RP1: variants seen among roughly 807,000 people sequenced by gnomAD.
RP1 encodes the protein oxygen-regulated protein 1.
A neutral mutation model predicts 14.8 loss-of-function variants in RP1; 16 were observed. That is an observed-to-expected ratio of 1.08 (90% CI 0.73 to 1.65). The LOEUF is 1.65. RP1 is among the 40% of genes most tolerant of loss of function. The pLI, the probability that RP1 is intolerant of heterozygous loss-of-function variation, is 0.00. For synonymous variants in RP1, 876 were observed against 883.6 expected, an observed-to-expected ratio of 0.99 and a Z score of 0.15; for missense variants, 2,631 against 2,535.0, an observed-to-expected ratio of 1.04 and a Z score of -0.81.
At chr8:54,869,951 A>G in exon 29 of RP1, 1 of 1,193,474 alleles carries the variant, frequency 8.4e-7, no homozygotes, top group Non-Finnish European at 1.0e-6. Context: ...GAAAGGGCCC[A>G]CTTGGGCCTG....
At chr8:54,837,348 G>A (rs1207523635) in intron 24 of RP1, 1 of 425,904 alleles carries the variant, frequency 2.3e-6, no homozygotes, top group African/African-American at 2.1e-5. Context: ...TTAGTAAGGA[G>A]TATTTATGAT....
chr8:54,838,845 GC>G (rs1202965294), intron 25 of RP1, among the ~76,000 whole-genome samples: 13 of 152,114 alleles, frequency 8.5e-5, no homozygotes, highest in Admixed American at 8.5e-4. Context: ...GATGTGATTG[GC>G]TGTGTCATGC....
intron 28 of RP1, among the ~76,000 whole-genome samples, chr8:54,868,682 C>A (rs1010074815): frequency 6.6e-6 from 1 of 152,076 alleles, no homozygotes; most frequent in African/African-American, 2.4e-5. Context: ...ATTCCCTGCA[C>A]AAGATATCAA....
At chr8:54,774,980 G>T (rs1399441101) in intron 23 of RP1, among the ~76,000 whole-genome samples, 5 of 152,080 alleles carry the variant, frequency 3.3e-5, no homozygotes, top group African/African-American at 4.8e-5. Flanking sequence ...ACTTTTTGTT[G>T]TGGGGGACTG....
At chr8:54,777,560 C>T (rs529106390) in intron 23 of RP1, among the ~76,000 whole-genome samples, 3 of 152,020 alleles carry the variant, frequency 2.0e-5, no homozygotes, top group Non-Finnish European at 4.4e-5. Context: ...TGGTAGTCAG[C>T]ACAGAATTTC....
At chr8:54,846,810 G>A (rs972588640) in intron 25 of RP1, among the ~76,000 whole-genome samples, 2 of 152,082 alleles carry the variant, frequency 1.3e-5, no homozygotes, top group African/African-American at 4.8e-5. Context: ...GGCCTTCCCT[G>A]AGGTGTCTCA....
At chr8:54,747,164 A>G (rs1340383747) in intron 19 of RP1, among the ~76,000 whole-genome samples, 3 of 152,152 alleles carry the variant, frequency 2.0e-5, no homozygotes, top group South Asian at 4.2e-4. Context: ...ATAGGCTTCC[A>G]GCTTCTTTTT....
chr8:54,761,948 C>T (rs1351402118), intron 22 of RP1, among the ~76,000 whole-genome samples: 1 of 152,116 alleles, frequency 6.6e-6, no homozygotes, highest in East Asian at 1.9e-4. Context: ...CATTCTGAAG[C>T]CACTTATAGT....
intron 24 of RP1, among the ~76,000 whole-genome samples, chr8:54,793,804 A>G (rs1810521874): frequency 6.6e-6 from 1 of 151,966 alleles, no homozygotes; most frequent in Non-Finnish European, 1.5e-5. Flanking sequence ...TCTATTTAAC[A>G]TAGTACTGGA....
intron 1 of RP1, among the ~76,000 whole-genome samples, chr8:54,604,481 A>G (rs1190815045): frequency 1.3e-5 from 2 of 152,130 alleles, no homozygotes; most frequent in East Asian, 1.9e-4. Flanking sequence ...TTCATCAGGG[A>G]TATCGGTCTA....
In RP1 at chr8:54,835,043, TAC is replaced by T. The variant is rs201295797; in HGVS notation, c.3616-2405_3616-2404del. Among the ~76,000 whole-genome samples, 3 of 152,304 alleles carry T rather than the reference TAC, an allele frequency of 2.0e-5. No homozygotes were observed. The East Asian group carries it at 5.8e-4, about 29-fold the overall frequency. ...TATTTACCATTTATTGAAAAAATAC[TAC>T]AGTTTCATGTGGGTTTAGGGTATCC... On this transcript the variant is annotated intron_variant, in intron 24 of 28. Coordinates refer to the RP1 transcript ENST00000637698.
At chr8:54,869,665 C>G (rs1029702457) in intron 28 of RP1, among the ~76,000 whole-genome samples, 2 of 152,158 alleles carry the variant, frequency 1.3e-5, no homozygotes, top group African/African-American at 4.8e-5. Flanking sequence ...AAAAAACTTG[C>G]CGAAGCTGGA....
intron 19 of RP1, among the ~76,000 whole-genome samples, chr8:54,744,427 T>C (rs1340218932): frequency 6.6e-6 from 1 of 152,190 alleles, no homozygotes; most frequent in Non-Finnish European, 1.5e-5. Context: ...TCATCCTAAA[T>C]ATGTAAAATA....
chr8:54,663,802 C>T (rs1015552726), exon 7 of RP1: 1 of 1,534,526 alleles, frequency 6.5e-7, no homozygotes, highest in Non-Finnish European at 8.7e-7. Context: ...ATACAGGATC[C>T]AGACAACTAT....
chr8:54,630,564 T>A lies in RP1; in HGVS notation c.*211T>A. 7.4e-7 allele frequency: 1 copy of A among 1,345,684 alleles called. No individual in the cohort carries two copies. Among genetic ancestry groups the A allele is most frequent in the Non-Finnish European group, 9.5e-7 (1 of 1,052,206 alleles). 83.4% of individuals were successfully genotyped at this position (1,345,684 alleles called of 1,614,324 possible). A position where few individuals can be genotyped will look rare whatever the true frequency, so the allele number is the denominator to read the frequency against. ...CAATTACAGACTCAGGTTCTCTTAT[T>A]TTGGAAGTTTCTATCTGGTTTTGTT... is the stretch of plus-strand genomic sequence containing the variant. On this transcript the variant is annotated 3_prime_UTR_variant, in exon 4 of 4. Transcript: ENST00000220676.
chr8:54,807,922 A>G (rs1024304769), intron 24 of RP1, among the ~76,000 whole-genome samples: 1 of 151,992 alleles, frequency 6.6e-6, no homozygotes, highest in Non-Finnish European at 1.5e-5. Context: ...ACCCGTCCAC[A>G]TTATGGAAGG....
At chr8:54,598,813 G>A (rs1346570229) in intron 1 of RP1, among the ~76,000 whole-genome samples, 1 of 152,170 alleles carries the variant, frequency 6.6e-6, no homozygotes, top group Non-Finnish European at 1.5e-5. Flanking sequence ...CTTGACTTTT[G>A]ATGAGAAGTC....
chr8:54,664,810 A>G (rs1345381641), intron 7 of RP1, among the ~76,000 whole-genome samples: 1 of 152,148 alleles, frequency 6.6e-6, no homozygotes, highest in Non-Finnish European at 1.5e-5. Flanking sequence ...CATGGACACA[A>G]TGAGAGCAAC....
At chr8:54,762,245 C>T (rs184638333) in intron 22 of RP1, among the ~76,000 whole-genome samples, 2 of 152,116 alleles carry the variant, frequency 1.3e-5, no homozygotes, top group Admixed American at 6.5e-5. Context: ...CAAGAATTTA[C>T]AGCACAGCTG....
Sources: gnomAD v4.1 joint callset for allele counts (sites outside exome capture counted in the v4.1 genomes callset) on GRCh38, gnomAD v4.1.1 for gene constraint, MANE v1.5 for transcripts, NCBI Gene and HGNC (gene_info 2026-07-23, HGNC 2026-07-21) for gene names.